The following MTURN variants were observed in gnomAD, a reference collection of about 807,000 sequenced individuals.
The protein encoded by MTURN is maturin.
Under a neutral mutation model 14.9 loss-of-function variants are expected in MTURN, and 7 were observed. The observed-to-expected ratio is 0.47, with a 90% CI of 0.27 to 0.88. The LOEUF is 0.88. Among genes scored for constraint, MTURN ranks in the 40% least tolerant of loss-of-function variants. The pLI is 0.14. For synonymous variants in MTURN, 69 were observed against 72.5 expected, an observed-to-expected ratio of 0.95 and a Z score of 0.25; for missense variants, 151 against 174.1, an observed-to-expected ratio of 0.87 and a Z score of 0.75.
At chr7:30,141,105 T>C (rs1405854428) in intron 1 of MTURN, 3 of 152,250 alleles carry the variant, frequency 2.0e-5, no homozygotes, top group African/African-American at 7.2e-5. Flanking sequence ...ATCGGGCTAG[T>C]CCTAGGTATG....
intron 2 of MTURN, 111 bp from the exon 3 acceptor site, chr7:30,157,327 G>A (rs1438480006): frequency 1.1e-5 from 8 of 734,874 alleles, no homozygotes; most frequent in Non-Finnish European, 1.6e-5. Flanking sequence ...GGGGAAGTCT[G>A]CAGCTGCTGG....
At chr7:30,154,550 A>G (rs541755230) in intron 2 of MTURN, among the ~76,000 whole-genome samples, 1 of 152,294 alleles carries the variant, frequency 6.6e-6, no homozygotes, top group East Asian at 1.9e-4. Context: ...CTCTCATGTC[A>G]TCTCCATAGT....
intron 1 of MTURN, among the ~76,000 whole-genome samples, chr7:30,136,007 C>G (rs534068876): frequency 3.8e-5 from 5 of 132,654 alleles, no homozygotes; most frequent in African/African-American, 1.5e-4. Context: ...CACCCTCACA[C>G]GCGCACACTC....
chr7:30,135,539 G>A (rs1212381198), intron 1 of MTURN, among the ~76,000 whole-genome samples: 3 of 151,778 alleles, frequency 2.0e-5, no homozygotes, highest in Non-Finnish European at 4.4e-5. Flanking sequence ...GAGCCGGGTC[G>A]GGGCGGGAGG....
At chr7:30,146,092 A>C in intron 1 of MTURN, 85 bp from the exon 2 acceptor site, 2 of 1,600,778 alleles carry the variant, frequency 1.2e-6, no homozygotes, top group Non-Finnish European at 1.7e-6. Flanking sequence ...TTATTAAGAA[A>C]ATCTGCTTGG....
At chr7:30,145,709 C>T (rs1797118454) in intron 1 of MTURN, 2 of 990,172 alleles carry the variant, frequency 2.0e-6, no homozygotes. Context: ...CGCCTACTCA[C>T]AGGCCGATCT....
At chr7:30,151,333 C>T (rs1456764218) in intron 2 of MTURN, among the ~76,000 whole-genome samples, 2 of 152,148 alleles carry the variant, frequency 1.3e-5, no homozygotes, top group South Asian at 2.1e-4. Context: ...GTTGGATAAT[C>T]GTCAGAACCT....
intron 1 of MTURN, among the ~76,000 whole-genome samples, chr7:30,138,152 G>C (rs533194354): frequency 1.3e-4 from 20 of 151,976 alleles, no homozygotes; most frequent in South Asian, 1.0e-3. Flanking sequence ...GTCTTGCTCT[G>C]TCGCCCAGGC....
At chr7:30,140,399 G>GTA (rs1583502788) in intron 1 of MTURN, among the ~76,000 whole-genome samples, 2 of 32,892 alleles carry the variant, frequency 6.1e-5, no homozygotes, top group East Asian at 9.3e-3. Flanking sequence ...AGAGGGGTGT[G>GTA]TGTGTGTGTG....
At chr7:30,142,578 A>C (rs1562568063) in intron 1 of MTURN, among the ~76,000 whole-genome samples, 1 of 152,208 alleles carries the variant, frequency 6.6e-6, no homozygotes, top group Non-Finnish European at 1.5e-5. Flanking sequence ...TGAATAGTTC[A>C]TTAGCTAAAT....
chr7:30,157,577 G>A lies in MTURN; in HGVS notation c.*29G>A. On this transcript the variant is annotated 3_prime_UTR_variant, in exon 3 of 3. Transcript: ENST00000324453. The stretch of plus-strand genomic sequence containing the variant: ...TGGGGGCTCCCCTGAGAAGGAGAGT[G>A]AGCCCCACAGTAACCTAGGTGGGGT... The A allele has an allele frequency of 6.5e-7, 1 of 1,546,458 alleles. No individual in the cohort carries two copies. Among genetic ancestry groups the A allele is most frequent in the Non-Finnish European group, 8.7e-7 (1 of 1,144,620 alleles).
chr7:30,138,075 G>A (rs542702013), intron 1 of MTURN, among the ~76,000 whole-genome samples: 20 of 152,224 alleles, frequency 1.3e-4, no homozygotes, highest in African/African-American at 4.6e-4. Context: ...CCGTATTTGT[G>A]TGCCTTGGGA....
chr7:30,152,343 G>A (rs1583509832), intron 2 of MTURN, among the ~76,000 whole-genome samples: 1 of 151,840 alleles, frequency 6.6e-6, no homozygotes. Flanking sequence ...TCCCCATACC[G>A]CCAGCATCAT....
intron 1 of MTURN, among the ~76,000 whole-genome samples, chr7:30,138,327 C>G (rs1198055388): frequency 1.3e-5 from 2 of 152,044 alleles, no homozygotes; most frequent in African/African-American, 4.8e-5. Context: ...GTTACTTAGG[C>G]TGGTCTCGAA....
intron 2 of MTURN, among the ~76,000 whole-genome samples, chr7:30,155,605 C>T (rs1797275066): frequency 6.6e-6 from 1 of 152,234 alleles, no homozygotes. Flanking sequence ...CCTGCCCTTC[C>T]CCTCTACATC....
At position 30,135,215 on chromosome 7, in the gene MTURN, A is replaced by G. The variant is rs774977734; in HGVS notation, c.79A>G (p.Thr27Ala). Residue 27 changes from threonine (T) to alanine (A), a missense_variant, in exon 1 of 3, where the codon ACC (threonine) becomes GCC (alanine). Thr to Ala is a moderately conservative substitution (Grantham distance 58). Coordinates refer to ENST00000324453, the MANE Select transcript of MTURN (RefSeq NM_152793.3). ...CTTCGAGCTCATCGCCACCGAGGAG[A>G]CCGAACGCAGGATGGATTTCTACGC... The part of the protein sequence containing the change: ...TPFELIATEE[T>A]ERRMDFYADP... 1.3e-6 allele frequency: 2 copies of G among 1,517,418 alleles called. No individual in the cohort carries two copies. Among genetic ancestry groups the G allele is most frequent in the Middle Eastern group, 1.7e-4 (1 of 5,766 alleles). The allele number at this position is 1,517,418 out of a possible 1,614,324, so 94.0% of individuals were successfully genotyped here.
intron 1 of MTURN, among the ~76,000 whole-genome samples, chr7:30,136,441 G>A (rs1796962996): frequency 6.6e-6 from 1 of 152,346 alleles, no homozygotes; most frequent in African/African-American, 2.4e-5. Flanking sequence ...GGCCTTGTGG[G>A]CGGAGGTGGG....
chr7:30,138,098 C>T (rs1158450090), intron 1 of MTURN, among the ~76,000 whole-genome samples: 1 of 152,010 alleles, frequency 6.6e-6, no homozygotes, highest in African/African-American at 2.4e-5. Context: ...GTTATTTAAC[C>T]CCTCTATGCC....
chr7:30,146,816 C>T (rs1797137520), intron 2 of MTURN, among the ~76,000 whole-genome samples: 1 of 152,128 alleles, frequency 6.6e-6, no homozygotes, highest in Non-Finnish European at 1.5e-5. Flanking sequence ...TTGTTTTCCC[C>T]TTTTGGGATT....
Sources: allele counts gnomAD v4.1 joint callset (sites outside exome capture counted in the v4.1 genomes callset), GRCh38; gene constraint gnomAD v4.1.1; transcripts MANE v1.5; gene names NCBI Gene and HGNC (gene_info 2026-07-23, HGNC 2026-07-21).